Variants in MRPS18C observed in about 807,000 individuals in gnomAD.
MRPS18C encodes mitochondrial ribosomal protein S18C.
MRPS18C carries 21 observed loss-of-function variants against 21.0 expected under a neutral mutation model. That is an observed-to-expected ratio of 1.00 (90% CI 0.71 to 1.44). The LOEUF (loss-of-function observed/expected upper bound fraction) is 1.44, where lower values mean the gene tolerates loss of function less well. Ranked by LOEUF, MRPS18C falls within the 40% of genes most tolerant of loss-of-function variation. The pLI is 0.00. For missense variants in MRPS18C, 152 were observed against 171.5 expected (o/e 0.89, Z 0.64); for synonymous variants, 65 against 54.3 (o/e 1.20, Z -0.87).
At chr4:83,459,144 C>CAAAAAAAAAAAAAAAAA (rs59202184) in intron 3 of MRPS18C, 1 of 48,134 alleles carries the variant, frequency 2.1e-5, no homozygotes, top group Non-Finnish European at 4.6e-5. Context: ...AAAACTCTGT[C>CAAAAAAAAAAAAAAAAA]AAAAAAAAAA....
intron 3 of MRPS18C, 113 bp downstream of exon 3, chr4:83,458,542 C>T: frequency 1.4e-6 from 1 of 722,154 alleles, no homozygotes; most frequent in African/African-American, 1.9e-5. Context: ...GTTTTAGCAA[C>T]TTCATAATTT....
intron 3 of MRPS18C, chr4:83,458,736 G>A (rs1004520178): frequency 4.1e-6 from 1 of 242,228 alleles, no homozygotes; most frequent in Non-Finnish European, 7.8e-6. Flanking sequence ...AGCTCATCTG[G>A]TGAAGCTGAT....
chr4:83,460,475 G>A (rs2110030351), intron 4 of MRPS18C: 1 of 153,976 alleles, frequency 6.5e-6, no homozygotes, highest in South Asian at 2.0e-4. Flanking sequence ...TTGTAGTTTT[G>A]TTTACGTAGT....
At chr4:83,458,681 C>A (rs1721958973) in intron 3 of MRPS18C, 1 of 323,508 alleles carries the variant, frequency 3.1e-6, no homozygotes. Context: ...TAATAGCTCC[C>A]TGTGGCAGTA....
At chr4:83,456,609 TCTC>T (rs912686207) in intron 1 of MRPS18C, among the ~76,000 whole-genome samples, 1 of 152,146 alleles carries the variant, frequency 6.6e-6, no homozygotes, top group Non-Finnish European at 1.5e-5. Flanking sequence ...TTCTGTTGCT[TCTC>T]CTATAAGAAT....
chr4:83,457,880 A>G (rs890245102), intron 2 of MRPS18C: 4 of 171,230 alleles, frequency 2.3e-5, no homozygotes, highest in Non-Finnish European at 4.9e-5. Flanking sequence ...CTTATATAGT[A>G]GCCTGGGGTG....
At position 83,461,958 on chromosome 4, in the gene MRPS18C, T is replaced by C. The variant is rs1241220721; in HGVS notation, c.*761T>C. ...TTTTATCTGGCAACTCTAGCCATAA[T>C]GTACTTCTAAAAAAGTATCACTTAA... On this transcript the variant is annotated 3_prime_UTR_variant, in exon 6 of 6. Coordinates refer to ENST00000295491, the MANE Select transcript of MRPS18C (RefSeq NM_016067.4). The C allele has an allele frequency of 8.7e-6, 2 of 229,602 alleles. No homozygotes were observed. The highest frequency in any genetic ancestry group is 2.2e-5 in the African/African-American group (1 of 45,190). The allele number at this position is 229,602 out of a possible 1,614,324, so 14.2% of individuals were successfully genotyped here. A position where few individuals can be genotyped will look rare whatever the true frequency, so the allele number is the denominator to read the frequency against.
intron 2 of MRPS18C, 123 bp from the exon 3 acceptor site, chr4:83,458,223 A>G: frequency 1.5e-6 from 1 of 682,436 alleles, no homozygotes; most frequent in Non-Finnish European, 2.4e-6. Flanking sequence ...GTGCTTATAC[A>G]AAATATGTAC....
chr4:83,459,602 T>C (rs1273505136), intron 3 of MRPS18C, 138 bp from the exon 4 acceptor site: 3 of 694,812 alleles, frequency 4.3e-6, no homozygotes, highest in South Asian at 2.0e-5. Context: ...ATAACAATAT[T>C]TTTTTCTTAT....
intron 1 of MRPS18C, 126 bp downstream of exon 1, chr4:83,456,303 G>T: frequency 1.3e-6 from 1 of 789,722 alleles, no homozygotes. Flanking sequence ...TCCAAGATGG[G>T]TGGGAATCTG....
chr4:83,456,142 C>T lies in MRPS18C; in HGVS notation c.65C>T (p.Ala22Val). 2 of 1,613,790 alleles carry T rather than the reference C, an allele frequency of 1.2e-6. No individual in the cohort carries two copies. Among genetic ancestry groups the T allele is most frequent in the Non-Finnish European group, 1.7e-6 (2 of 1,180,010 alleles). The part of the protein sequence containing the change: ...GRKKLTHLVT[A>V]AVSLTHPGTH... Reference sequence around the variant, plus strand: ...AAGAAGTTGACACACTTGGTAACGGCTGCTGTCAGCCTTACACATCCCGGG... The same window carrying T: ...AAGAAGTTGACACACTTGGTAACGGTTGCTGTCAGCCTTACACATCCCGGG... The change falls in exon 1 of 6, where the codon GCT (alanine) becomes GTT (valine). Residue 22 changes from alanine (A) to valine (V), a missense_variant. By Grantham distance (64) the Ala-to-Val change is moderately conservative. Around this residue, in one of 2 missense-constraint regions of MRPS18C, gnomAD observed 118 missense variants for 104.4 expected, o/e 1.13. Coordinates refer to ENST00000295491, the MANE Select transcript of MRPS18C (RefSeq NM_016067.4).
In MRPS18C at chr4:83,461,303, G is replaced by A; in HGVS notation, c.*106G>A. ...GATAGAAAAGTGTTTGAGGAGTGAG[G>A]TAAAGAATGACACTTCCCCTTCATA... On this transcript the variant is annotated 3_prime_UTR_variant, in exon 6 of 6. Coordinates refer to ENST00000295491, the MANE Select transcript of MRPS18C (RefSeq NM_016067.4). 2.2e-6 allele frequency: 2 copies of A among 920,298 alleles called. No homozygotes were observed. Among genetic ancestry groups the A allele is most frequent in the Admixed American group, 1.9e-5 (1 of 53,676 alleles). The allele number at this position is 920,298 out of a possible 1,614,324, so 57.0% of individuals were successfully genotyped here.
At chr4:83,459,479 G>T in intron 3 of MRPS18C, 1 of 336,858 alleles carries the variant, frequency 3.0e-6, no homozygotes, top group East Asian at 6.1e-5. Context: ...AAAGGTATCT[G>T]TGGAAGTCAA....
chr4:83,462,266 GT>G lies in MRPS18C; in HGVS notation c.*1072del, dbSNP rs1722147417. 1 of 536,164 alleles carries G rather than the reference GT, an allele frequency of 1.9e-6. No individual in the cohort carries two copies. The highest frequency in any genetic ancestry group is 1.9e-5 in the African/African-American group (1 of 52,278). 33.2% of individuals were successfully genotyped at this position (536,164 alleles called of 1,614,324 possible). A position where few individuals can be genotyped will look rare whatever the true frequency, so the allele number is the denominator to read the frequency against. Reference sequence around the variant, plus strand: ...CAACTTAGTGAAAGGTGAAAAAAAGGTTTGGAAATAAAAGCATCTGATGTTT... The same window carrying G: ...CAACTTAGTGAAAGGTGAAAAAAAGGTTGGAAATAAAAGCATCTGATGTTT... On this transcript the variant is annotated 3_prime_UTR_variant, in exon 6 of 6. Transcript: ENST00000295491.
chr4:83,460,838 G>A, intron 4 of MRPS18C, 135 bp from the exon 5 acceptor site: 2 of 691,662 alleles, frequency 2.9e-6, no homozygotes, highest in East Asian at 2.8e-5. Flanking sequence ...CCTGGGTGGC[G>A]GAGGTTGCAG....
chr4:83,456,560 G>T (rs183348527), intron 1 of MRPS18C, among the ~76,000 whole-genome samples: 32 of 152,094 alleles, frequency 2.1e-4, no homozygotes, highest in South Asian at 1.7e-3. Flanking sequence ...ATTCTTTCTG[G>T]GACGGGTCTG....
chr4:83,462,080 A>G lies in MRPS18C; in HGVS notation c.*883A>G. ...GCTTTTCCATTTTATTTTTTAATAG[A>G]CATGGTCTCAATACGTTGCCCAGGC... is the stretch of plus-strand genomic sequence containing the variant. On this transcript the variant is annotated 3_prime_UTR_variant, in exon 6 of 6. Coordinates refer to ENST00000295491, the MANE Select transcript of MRPS18C (RefSeq NM_016067.4). The G allele has an allele frequency of 4.3e-6, 1 of 234,942 alleles. No individual in the cohort carries two copies. The highest frequency in any genetic ancestry group is 6.1e-5 in the East Asian group (1 of 16,282). The allele number at this position is 234,942 out of a possible 1,614,324, so 14.6% of individuals were successfully genotyped here.
chr4:83,458,381 TAAG>T lies in MRPS18C; in HGVS notation c.189_191del (p.Lys64del). ...TGGAAAATCCTTATAAAGAACCTCT[TAAG>T]AAATGTATCTTGTGTGGAAAGCATG... On this transcript the variant is annotated inframe_deletion, in exon 3 of 6. Coordinates refer to ENST00000295491, the MANE Select transcript of MRPS18C (RefSeq NM_016067.4). The T allele has an allele frequency of 1.2e-6, 2 of 1,606,018 alleles. No homozygotes were observed. The highest frequency in any genetic ancestry group is 1.7e-6 in the Non-Finnish European group (2 of 1,173,876).
At chr4:83,459,576 A>C (rs1721999578) in intron 3 of MRPS18C, 164 bp from the exon 4 acceptor site, 1 of 585,346 alleles carries the variant, frequency 1.7e-6, no homozygotes, top group Non-Finnish European at 3.0e-6. Flanking sequence ...GAAAATATTT[A>C]AAAGGTAACA....
Sources: gnomAD v4.1 joint callset for allele counts (sites outside exome capture counted in the v4.1 genomes callset) on GRCh38, gnomAD v4.1.1 for gene constraint, gnomAD v4.1.1 regional missense constraint, MANE v1.5 for transcripts, NCBI Gene and HGNC (gene_info 2026-07-23, HGNC 2026-07-21) for gene names.